The following SBNO1 variants were observed in gnomAD, a reference collection of about 807,000 sequenced individuals.
SBNO1 encodes the protein protein strawberry notch homolog 1.
Under a neutral mutation model 173.6 loss-of-function variants are expected in SBNO1, and 23 were observed. That is an observed-to-expected ratio of 0.13 (90% CI 0.10 to 0.19). SBNO1 has a LOEUF of 0.19. SBNO1 is among the 10% of genes least tolerant of loss of function. SBNO1 has a pLI of 1.00. For synonymous variants in SBNO1, 632 were observed against 571.5 expected, an observed-to-expected ratio of 1.11 and a Z score of -1.51; for missense variants, 1,238 against 1,671.2, an observed-to-expected ratio of 0.74 and a Z score of 4.52.
At chr12:123,299,538 G>A (rs1448245089) in intron 30 of SBNO1, among the ~76,000 whole-genome samples, 26 of 138,376 alleles carry the variant, frequency 1.9e-4, no homozygotes, top group East Asian at 1.1e-3. Flanking sequence ...AAAATTTGCA[G>A]GGTGTGGTGG....
At chr12:123,301,917 T>C (rs1183851581) in intron 30 of SBNO1, among the ~76,000 whole-genome samples, 1 of 148,056 alleles carries the variant, frequency 6.8e-6, no homozygotes, top group African/African-American at 2.5e-5. Context: ...GAAGGGAGAG[T>C]GACAGAAGGA....
chr12:123,320,977 T>C (rs1049333979), intron 17 of SBNO1, 111 bp from the exon 18 acceptor site: 3 of 897,300 alleles, frequency 3.3e-6, no homozygotes, highest in Admixed American at 3.0e-5. Context: ...TTCGCTGTTG[T>C]AGCCCAGGCT....
chr12:123,352,356 A>G lies in SBNO1; in HGVS notation c.1-1915T>C, dbSNP rs80314644. ...TACGCAGTTTCGCTCTTGTTGCCCA[A>G]GGTGGAGTACAATGGCGCGGTCTCG... On this transcript the variant is annotated intron_variant, in intron 1 of 31. Coordinates refer to ENST00000602398, the MANE Select transcript of SBNO1 (RefSeq NM_001167856.3). Among the ~76,000 whole-genome samples the G allele has an allele frequency of 7.1e-4, 108 of 152,316 alleles. 1 individual carries two copies. In the East Asian group the frequency reaches 0.016, roughly 23 times the overall value.
intron 5 of SBNO1, among the ~76,000 whole-genome samples, chr12:123,337,890 T>C (rs1323547494): frequency 6.6e-6 from 1 of 152,156 alleles, no homozygotes; most frequent in Non-Finnish European, 1.5e-5. Context: ...CTACCTATAG[T>C]TTTTTAAAAT....
chr12:123,323,141 T>C (rs1870197197), intron 16 of SBNO1, among the ~76,000 whole-genome samples: 1 of 152,174 alleles, frequency 6.6e-6, no homozygotes. Context: ...GTAGAATGTA[T>C]ATAGCCAAGT....
intron 4 of SBNO1, among the ~76,000 whole-genome samples, chr12:123,342,555 T>C (rs1477924959): frequency 6.6e-6 from 1 of 152,230 alleles, no homozygotes; most frequent in Admixed American, 6.5e-5. Context: ...AATAATTATT[T>C]CTAGAAGAAG....
rs1870781773 is a variant in SBNO1, at chr12:123,328,024, C to T, written c.1300G>A (p.Val434Met). 1 of 1,607,088 alleles carries T rather than the reference C, an allele frequency of 6.2e-7. No individual in the cohort carries two copies. Among genetic ancestry groups the T allele is most frequent in the Admixed American group, 1.7e-5 (1 of 59,310 alleles). The change falls in exon 11 of 32, where the codon GTG (valine) becomes ATG (methionine). Residue 434 changes from valine to methionine, a missense_variant. This residue lies in a region of SBNO1 where 182 missense variants were observed against 339.9 expected (regional missense o/e 0.54). Coordinates refer to ENST00000602398, the MANE Select transcript of SBNO1 (RefSeq NM_001167856.3). ...TTGGCTTTATGACACTCATCAAACACTATCTAAATGGAATGAGTTAAGGAA... is the reference window on the plus strand; with the variant it reads ...TTGGCTTTATGACACTCATCAAACATTATCTAAATGGAATGAGTTAAGGAA... ...WCGDDFDGVI[V>M]FDECHKAKNL...
chr12:123,311,610 C>T (rs1413839823), intron 24 of SBNO1, among the ~76,000 whole-genome samples: 1 of 151,850 alleles, frequency 6.6e-6, no homozygotes, highest in Non-Finnish European at 1.5e-5. Context: ...CCGGCTCGGC[C>T]TCCCAAAGTG....
At chr12:123,364,591 G>A (rs1301376734) in intron 1 of SBNO1, 110 bp downstream of exon 1, 2 of 982,852 alleles carry the variant, frequency 2.0e-6, no homozygotes. Flanking sequence ...AAGCCGGGGC[G>A]AGGTGGCTGT....
intron 1 of SBNO1, among the ~76,000 whole-genome samples, chr12:123,362,496 T>C (rs1593432485): frequency 7.9e-6 from 1 of 126,254 alleles, no homozygotes; most frequent in African/African-American, 3.1e-5. Flanking sequence ...CCAAGGGCGG[T>C]GGCTCACGGC....
chr12:123,345,416 C>T lies in SBNO1; in HGVS notation c.392G>A (p.Arg131His), dbSNP rs749917194. Residue 131 changes from arginine to histidine, a missense_variant, in exon 4 of 32, where the codon CGC becomes CAC. Arg to His is a conservative substitution (Grantham distance 29, BLOSUM62 0). Transcript: ENST00000602398. ...TKFIQTTAST[R>H]PSVSAPTVRN... ...TACTGTTGGTGCTGAGACTGACGGG[C>T]GTGTGCTTGCAGTAGTCTGGATAAA... The T allele has an allele frequency of 1.6e-5, 26 of 1,614,092 alleles. No individual in the cohort carries two copies. The highest frequency in any genetic ancestry group is 2.2e-5 in the South Asian group (2 of 91,076).
Position 123,336,116 on chromosome 12 carries a change from A to G in SBNO1, c.748+279T>C, listed in dbSNP as rs1328870556. Among the ~76,000 whole-genome samples the G allele has an allele frequency of 2.6e-5, 4 of 152,196 alleles. No homozygotes were observed. The East Asian group carries it at 5.8e-4, about 22-fold the overall frequency. ...GAGAAACAAAAACTATGGAATTCAA[A>G]TAGCACAATTATTTTTATAATTTCA... is the stretch of plus-strand genomic sequence containing the variant. On this transcript the variant is annotated intron_variant, in intron 6 of 31. Transcript: ENST00000602398.
At chr12:123,300,099 T>C (rs1039386140) in intron 30 of SBNO1, among the ~76,000 whole-genome samples, 4 of 152,204 alleles carry the variant, frequency 2.6e-5, no homozygotes, top group Non-Finnish European at 5.9e-5. Flanking sequence ...TAAAATTATC[T>C]TCAGAATATT....
intron 1 of SBNO1, among the ~76,000 whole-genome samples, chr12:123,358,491 T>A (rs10734902): frequency 1.8e-3 from 268 of 152,186 alleles, no homozygotes; most frequent in African/African-American, 6.1e-3. Flanking sequence ...CGGTGGCTCA[T>A]GCCTATAATC....
chr12:123,330,548 A>G (rs202090371), intron 8 of SBNO1, 39 bp from the exon 9 acceptor site: 12 of 1,137,950 alleles, frequency 1.1e-5, no homozygotes, highest in Admixed American at 8.5e-5. Context: ...AATACAAATT[A>G]TATCATTCTA....
At chr12:123,331,425 G>A in intron 7 of SBNO1, 50 bp from the exon 8 acceptor site, 1 of 1,580,958 alleles carries the variant, frequency 6.3e-7, no homozygotes, top group Non-Finnish European at 8.6e-7. Context: ...ATATTTTGGT[G>A]ATCAATCTTT....
chr12:123,304,453 C>T (rs749741741), intron 29 of SBNO1, 129 bp downstream of exon 29: 8 of 660,608 alleles, frequency 1.2e-5, no homozygotes, highest in Non-Finnish European at 2.1e-5. Flanking sequence ...TCAGGCTGGT[C>T]TCGAACTCCT....
At chr12:123,325,987 T>C (rs900891224) in intron 14 of SBNO1, among the ~76,000 whole-genome samples, 165 bp downstream of exon 14, 1 of 152,268 alleles carries the variant, frequency 6.6e-6, no homozygotes, top group Non-Finnish European at 1.5e-5. Context: ...CTGAACTCTC[T>C]AAATTCTCTA....
intron 25 of SBNO1, 72 bp from the exon 26 acceptor site, chr12:123,309,928 C>T: frequency 1.7e-6 from 2 of 1,170,208 alleles, no homozygotes; most frequent in South Asian, 3.0e-5. Flanking sequence ...AGGCTTAGTT[C>T]AAGTCCCACT....
Sources: gnomAD v4.1 joint callset for allele counts (sites outside exome capture counted in the v4.1 genomes callset) on GRCh38, gnomAD v4.1.1 for gene constraint, gnomAD v4.1.1 regional missense constraint, MANE v1.5 for transcripts, NCBI Gene and HGNC (gene_info 2026-07-23, HGNC 2026-07-21) for gene names.